The following SIPA1L1 variants were observed in gnomAD, a reference collection of about 807,000 sequenced individuals.
SIPA1L1 encodes signal-induced proliferation-associated 1-like protein 1.
In SIPA1L1, 26 loss-of-function variants were observed where a neutral mutation model predicts 162.7. The ratio of observed to expected loss-of-function variants is 0.16; its 90% CI spans 0.12 to 0.22. SIPA1L1 has a LOEUF of 0.22. SIPA1L1 is among the 10% of genes least tolerant of loss of function. SIPA1L1 has a pLI of 1.00. For synonymous variants in SIPA1L1, 829 were observed against 837.4 expected (o/e 0.99, Z 0.17); for missense variants, 1,874 against 2,241.0 (o/e 0.84, Z 3.31).
In SIPA1L1 at chr14:71,452,370, A is replaced by C. The variant is rs2045895473; in HGVS notation, c.-464-60373A>C. 4.6e-5 allele frequency among the ~76,000 whole-genome samples: 7 copies of C among 152,162 alleles called. No homozygotes were observed. In the South Asian group the frequency reaches 1.4e-3, roughly 31 times the overall value. ...ACACATTTTCGTATATAGGAAGGAT[A>C]ATTTTTTAGTGTAGTATTCTATAAT... is the stretch of plus-strand genomic sequence containing the variant. On this transcript the variant is annotated intron_variant, in intron 2 of 23. Coordinates refer to ENST00000381232, the MANE Select transcript of SIPA1L1 (RefSeq NM_001386936.1).
chr14:71,401,461 T>G (rs1437864070), intron 2 of SIPA1L1, among the ~76,000 whole-genome samples: 1 of 152,080 alleles, frequency 6.6e-6, no homozygotes. Context: ...TTTTTCTTTG[T>G]TGTTCGTCTG....
intron 13 of SIPA1L1, among the ~76,000 whole-genome samples, chr14:71,693,053 C>T (rs1327969497): frequency 1.3e-5 from 2 of 152,140 alleles, no homozygotes; most frequent in East Asian, 1.9e-4. Flanking sequence ...GGTTCAGCAT[C>T]CCTTACCCAA....
intron 4 of SIPA1L1, among the ~76,000 whole-genome samples, chr14:71,544,238 GT>G (rs2054912166): frequency 7.0e-6 from 1 of 143,198 alleles, no homozygotes; most frequent in Non-Finnish European, 1.6e-5. Context: ...TATCATGTAT[GT>G]ATACACATAT....
At chr14:71,643,870 C>T (rs969047514) in intron 7 of SIPA1L1, among the ~76,000 whole-genome samples, 3 of 152,054 alleles carry the variant, frequency 2.0e-5, no homozygotes, top group South Asian at 2.1e-4. Context: ...TGCAGTGGCA[C>T]GATCTTGGCT....
intron 17 of SIPA1L1, among the ~76,000 whole-genome samples, chr14:71,719,565 C>T (rs1246447162): frequency 1.3e-5 from 2 of 152,212 alleles, no homozygotes. Flanking sequence ...TTGACCTAGG[C>T]TCACTGCAAC....
chr14:71,385,126 G>A (rs1289506932), intron 2 of SIPA1L1, among the ~76,000 whole-genome samples: 1 of 152,192 alleles, frequency 6.6e-6, no homozygotes. Context: ...AAAAAAGGAT[G>A]CCTTGAAACT....
Position 71,364,748 on chromosome 14 carries a change from ATTT to A in SIPA1L1, c.-465+43580_-465+43582del, listed in dbSNP as rs35338562. 3.4e-5 allele frequency among the ~76,000 whole-genome samples: 5 copies of A among 146,070 alleles called. No individual in the cohort carries two copies. The South Asian group carries it at 1.1e-3, about 32-fold the overall frequency. Reference sequence around the variant, plus strand: ...ATCTGCATATTCCAGCAGAACATCAATTTTTTTTTTTTTTTGAGACAGAGTCTC... The same window carrying A: ...ATCTGCATATTCCAGCAGAACATCAATTTTTTTTTTTTGAGACAGAGTCTC... On this transcript the variant is annotated intron_variant, in intron 2 of 23. Coordinates refer to ENST00000381232, the MANE Select transcript of SIPA1L1 (RefSeq NM_001386936.1).
At chr14:71,657,630 G>A (rs749578545) in intron 8 of SIPA1L1, among the ~76,000 whole-genome samples, 7 of 150,338 alleles carry the variant, frequency 4.7e-5, no homozygotes, top group Non-Finnish European at 1.0e-4. Flanking sequence ...ACGTTGCTGT[G>A]TCAACTTTGT....
intron 4 of SIPA1L1, among the ~76,000 whole-genome samples, chr14:71,544,535 C>G (rs561367820): frequency 6.6e-6 from 1 of 152,098 alleles, no homozygotes; most frequent in South Asian, 2.1e-4. Flanking sequence ...AAGAAATCTG[C>G]TTAGCCAATA....
At chr14:71,674,810 C>T (rs992526346) in intron 12 of SIPA1L1, among the ~76,000 whole-genome samples, 8 of 151,482 alleles carry the variant, frequency 5.3e-5, no homozygotes, top group African/African-American at 1.9e-4. Context: ...GTGATCCGCC[C>T]GCCTCGGCCT....
chr14:71,612,224 A>T (rs146895051), intron 5 of SIPA1L1, among the ~76,000 whole-genome samples: 309 of 152,266 alleles, frequency 2.0e-3, no homozygotes, highest in African/African-American at 7.1e-3. Flanking sequence ...TTTGGATGTG[A>T]ACATTTTTGT....
intron 2 of SIPA1L1, among the ~76,000 whole-genome samples, chr14:71,325,546 C>T (rs138324392): frequency 6.6e-6 from 1 of 152,178 alleles, no homozygotes; most frequent in Non-Finnish European, 1.5e-5. Flanking sequence ...GTTCACCAGT[C>T]AACAACCATT....
chr14:71,559,704 T>C (rs1222295030), intron 4 of SIPA1L1, among the ~76,000 whole-genome samples: 1 of 152,244 alleles, frequency 6.6e-6, no homozygotes, highest in Non-Finnish European at 1.5e-5. Flanking sequence ...TCTATGGTTG[T>C]GAACAGAATA....
intron 3 of SIPA1L1, among the ~76,000 whole-genome samples, chr14:71,525,292 C>T (rs1381384951): frequency 6.6e-6 from 1 of 152,060 alleles, no homozygotes; most frequent in Non-Finnish European, 1.5e-5. Context: ...AAGCAATTCT[C>T]CTGCCTCAGC....
At chr14:71,463,594 T>C (rs973281067) in intron 2 of SIPA1L1, among the ~76,000 whole-genome samples, 2 of 152,168 alleles carry the variant, frequency 1.3e-5, no homozygotes, top group Non-Finnish European at 2.9e-5. Context: ...AAAGATTCAC[T>C]GCATAAATTG....
At chr14:71,510,229 C>T (rs1351161848) in intron 2 of SIPA1L1, among the ~76,000 whole-genome samples, 1 of 141,256 alleles carries the variant, frequency 7.1e-6, no homozygotes, top group African/African-American at 2.7e-5. Flanking sequence ...TCTTGTTGCC[C>T]AGGTTGGAGT....
At chr14:71,732,448 G>A (rs765112266) in intron 20 of SIPA1L1, among the ~76,000 whole-genome samples, 2 of 152,114 alleles carry the variant, frequency 1.3e-5, no homozygotes, top group Non-Finnish European at 2.9e-5. Flanking sequence ...TGTCATGAGC[G>A]TCGTTTCCCC....
chr14:71,575,508 A>G (rs1328517068), intron 4 of SIPA1L1, among the ~76,000 whole-genome samples: 1 of 152,200 alleles, frequency 6.6e-6, no homozygotes, highest in African/African-American at 2.4e-5. Context: ...TTGTGTGGGG[A>G]GAAAAATTAT....
At chr14:71,495,408 G>A (rs1038757989) in intron 2 of SIPA1L1, among the ~76,000 whole-genome samples, 1 of 150,970 alleles carries the variant, frequency 6.6e-6, no homozygotes, top group Non-Finnish European at 1.5e-5. Flanking sequence ...ATGGCATACT[G>A]TTTTTATATT....
Sources: gnomAD v4.1 joint callset for allele counts (sites outside exome capture counted in the v4.1 genomes callset) on GRCh38, gnomAD v4.1.1 for gene constraint, MANE v1.5 for transcripts, NCBI Gene and HGNC (gene_info 2026-07-23, HGNC 2026-07-21) for gene names.